Variants in SUPT6H observed in about 807,000 individuals in gnomAD.
SUPT6H encodes the protein transcription elongation factor SPT6.
A neutral mutation model predicts 222.3 loss-of-function variants in SUPT6H; 11 were observed. That is an observed-to-expected ratio of 0.05 (90% confidence interval 0.03 to 0.08). The LOEUF is 0.08. SUPT6H is among the 10% of genes least tolerant of loss of function. SUPT6H has a pLI of 1.00. For synonymous variants in SUPT6H, 762 were observed against 801.2 expected, an observed-to-expected ratio of 0.95 and a Z score of 0.83; for missense variants, 1,422 against 2,216.0, an observed-to-expected ratio of 0.64 and a Z score of 7.19.
At chr17:28,698,272 C>T (rs1317370290) in intron 32 of SUPT6H, among the ~76,000 whole-genome samples, 6 of 152,210 alleles carry the variant, frequency 3.9e-5, no homozygotes, top group Admixed American at 3.9e-4. Flanking sequence ...CCCTTCACCT[C>T]CTCTCCCTCC....
At chr17:28,669,248 G>T (rs2030269981) in intron 1 of SUPT6H, among the ~76,000 whole-genome samples, 1 of 152,164 alleles carries the variant, frequency 6.6e-6, no homozygotes, top group Non-Finnish European at 1.5e-5. Context: ...TGTCGGTGCA[G>T]TAGCACCATC....
rs1459163255 is a variant in SUPT6H, at chr17:28,688,390, G to A, written c.3134+172G>A. The A allele has an allele frequency of 1.2e-5, 8 of 679,494 alleles. No homozygotes were observed. Among genetic ancestry groups the A allele is most frequent in the South Asian group, 8.6e-5 (2 of 23,246 alleles). 42.1% of individuals were successfully genotyped at this position (679,494 alleles called of 1,614,324 possible). On this transcript the variant is annotated intron_variant, in intron 24 of 36. Coordinates refer to ENST00000314616, the MANE Select transcript of SUPT6H (RefSeq NM_003170.5). The surrounding 1 kb of genome is among the most constrained non-coding windows in gnomAD (Gnocchi z 4.3). ...GAGCCCCTGACCTATGGAAAAGATC[G>A]GTTCAATCATGTGAAACATTTTTCG...
intron 11 of SUPT6H, among the ~76,000 whole-genome samples, chr17:28,679,378 A>T (rs1167860977): frequency 6.6e-6 from 1 of 152,154 alleles, no homozygotes; most frequent in Non-Finnish European, 1.5e-5. Context: ...GTCTCAAAAA[A>T]AAAAAAGAAT....
At chr17:28,694,599 AAGG>A (rs1224418867) in intron 28 of SUPT6H, among the ~76,000 whole-genome samples, 1 of 152,216 alleles carries the variant, frequency 6.6e-6, no homozygotes, top group Non-Finnish European at 1.5e-5. Flanking sequence ...GATTTTTCAC[AAGG>A]AGAAGAGTGA....
chr17:28,693,630 C>T (rs1027098618), intron 27 of SUPT6H, 66 bp from the exon 28 acceptor site: 8 of 1,588,398 alleles, frequency 5.0e-6, no homozygotes, highest in African/African-American at 4.0e-5. Flanking sequence ...CCTCTGGGAG[C>T]TCTTTTCTGA....
At chr17:28,667,536 T>TTA (rs767618299) in intron 1 of SUPT6H, among the ~76,000 whole-genome samples, 29 of 147,274 alleles carry the variant, frequency 2.0e-4, no homozygotes, top group East Asian at 7.9e-4. Context: ...TGTGTGTGTT[T>TTA]TATATATATA....
intron 6 of SUPT6H, 52 bp downstream of exon 6, chr17:28,675,537 C>T (rs1267580593): frequency 6.3e-7 from 1 of 1,595,310 alleles, no homozygotes; most frequent in Non-Finnish European, 8.6e-7. Context: ...TGGGCCCAGT[C>T]AGGAAGGAGG....
At chr17:28,666,291 T>C (rs2030004392) in intron 1 of SUPT6H, among the ~76,000 whole-genome samples, 1 of 152,208 alleles carries the variant, frequency 6.6e-6, no homozygotes, top group African/African-American at 2.4e-5. Flanking sequence ...GTGAGCCAAA[T>C]AAGGTCACCC....
intron 16 of SUPT6H, 52 bp downstream of exon 16, chr17:28,683,474 C>T: frequency 6.2e-7 from 1 of 1,606,224 alleles, no homozygotes; most frequent in Non-Finnish European, 8.5e-7. Flanking sequence ...GATGAGGAGT[C>T]TGGTGGAGGG....
At chr17:28,680,871 T>G (rs1344279440) in intron 11 of SUPT6H, among the ~76,000 whole-genome samples, 1 of 152,094 alleles carries the variant, frequency 6.6e-6, no homozygotes, top group African/African-American at 2.4e-5. Flanking sequence ...ATGGTCTCTA[T>G]CTCCTGACGT....
intron 28 of SUPT6H, 46 bp from the exon 29 acceptor site, chr17:28,695,306 C>G: frequency 6.3e-7 from 1 of 1,579,076 alleles, no homozygotes; most frequent in Admixed American, 1.8e-5. Flanking sequence ...GGGCATCGGG[C>G]TAGATCATCT....
intron 1 of SUPT6H, among the ~76,000 whole-genome samples, chr17:28,673,019 C>T (rs185389163): frequency 4.0e-5 from 6 of 151,794 alleles, no homozygotes; most frequent in Non-Finnish European, 8.8e-5. Flanking sequence ...GGCATGGTGG[C>T]GCATGCCTAT....
Position 28,701,910 on chromosome 17 carries a change from T to C in SUPT6H, c.*285T>C, listed in dbSNP as rs890489686. Reference sequence around the variant, plus strand: ...GGAGGAAGAGGAAGGTGAGAATGAGTAGAACAGTTTTGTATTCTACTCCCT... The same window carrying C: ...GGAGGAAGAGGAAGGTGAGAATGAGCAGAACAGTTTTGTATTCTACTCCCT... On this transcript the variant is annotated 3_prime_UTR_variant, in exon 37 of 37. Transcript: ENST00000314616. 2 of 443,796 alleles carry C rather than the reference T, an allele frequency of 4.5e-6. No individual in the cohort carries two copies. The highest frequency in any genetic ancestry group is 3.9e-5 in the African/African-American group (2 of 51,310). 27.5% of individuals were successfully genotyped at this position (443,796 alleles called of 1,614,324 possible). A position where few individuals can be genotyped will look rare whatever the true frequency, so the allele number is the denominator to read the frequency against.
intron 1 of SUPT6H, among the ~76,000 whole-genome samples, chr17:28,673,089 T>G (rs1417072230): frequency 3.3e-5 from 5 of 149,772 alleles, no homozygotes; most frequent in African/African-American, 1.2e-4. Context: ...AGGTGGAGGT[T>G]GCAGTGAACG....
chr17:28,692,603 C>T (rs1321567426), intron 27 of SUPT6H, among the ~76,000 whole-genome samples: 5 of 148,110 alleles, frequency 3.4e-5, no homozygotes, highest in Admixed American at 6.7e-5. Flanking sequence ...CACAGTCACA[C>T]CAGTAATCCC....
rs1338603459 is a variant in SUPT6H, at chr17:28,690,950, A to G, written c.3520A>G (p.Ile1174Val). 3.1e-6 allele frequency: 5 copies of G among 1,613,782 alleles called. No individual in the cohort carries two copies. The African/African-American group carries it at 4.0e-5, about 13-fold the overall frequency. The change falls in exon 27 of 37, where the codon ATT (isoleucine) becomes GTT (valine). Residue 1174 changes from isoleucine (I) to valine (V), a missense_variant. Physicochemically the swap from Ile to Val is conservative, Grantham distance 29 (BLOSUM62 3). This residue lies in a region of SUPT6H where 60 missense variants were observed against 96.7 expected (regional missense o/e 0.62). Coordinates refer to ENST00000314616, the MANE Select transcript of SUPT6H (RefSeq NM_003170.5). ...GCTCATCATCTGCAATGTCACTGGC[A>G]TTGCCCACAGGCGTCCCCAGGGTGA... The part of the protein sequence containing the change: ...GKLIICNVTG[I>V]AHRRPQGESY...
chr17:28,678,903 C>G lies in SUPT6H; in HGVS notation c.1289C>G (p.Ala430Gly). 1.9e-6 allele frequency: 3 copies of G among 1,614,226 alleles called. No homozygotes were observed. Among genetic ancestry groups the G allele is most frequent in the Non-Finnish European group, 2.5e-6 (3 of 1,180,040 alleles). ...MQAYQYEQISADPDKPLADGI... is the reference protein window; with the variant it reads ...MQAYQYEQISGDPDKPLADGI... The stretch of plus-strand genomic sequence containing the variant: ...GCTTATCAGTATGAACAGATCTCTG[C>G]TGACCCTGACAAACCTCTTGCTGAT... The change falls in exon 11 of 37, where the codon GCT (alanine) becomes GGT (glycine). Residue 430 changes from alanine (A) to glycine (G), a missense_variant. Coordinates refer to ENST00000314616, the MANE Select transcript of SUPT6H (RefSeq NM_003170.5).
At position 28,675,436 on chromosome 17, in the gene SUPT6H, C is replaced by T; in HGVS notation, c.574C>T (p.Pro192Ser). Reference sequence around the variant, plus strand: ...CTTCATTGTGGATGATGATGGACAGCCTCTGAAAAAACCTAAGTGGCGGAA... The same window carrying T: ...CTTCATTGTGGATGATGATGGACAGTCTCTGAAAAAACCTAAGTGGCGGAA... ...DDFIVDDDGQPLKKPKWRKKL... is the reference protein window; with the variant it reads ...DDFIVDDDGQSLKKPKWRKKL... The change falls in exon 6 of 37, where the codon CCT becomes TCT. Residue 192 changes from proline to serine, a missense_variant. By Grantham distance (74) the Pro-to-Ser change is moderately conservative. Around this residue, in one of 13 missense-constraint regions of SUPT6H, gnomAD observed 389 missense variants for 544.6 expected, o/e 0.71. Transcript: ENST00000314616. 1 of 1,614,136 alleles carries T rather than the reference C, an allele frequency of 6.2e-7. No individual in the cohort carries two copies. Among genetic ancestry groups the T allele is most frequent in the East Asian group, 2.2e-5 (1 of 44,876 alleles).
rs753504248 is a variant in SUPT6H at position 28,697,962 on chromosome 17, T to C, written c.4380T>C (p.Tyr1460=). The change falls in exon 32 of 37, where the codon TAT becomes TAC. Residue 1460 remains tyrosine, a synonymous_variant. Coordinates refer to ENST00000314616, the MANE Select transcript of SUPT6H (RefSeq NM_003170.5). ...AGGAGAAGCCCACCTTCATCCCTTA[T>C]TTCATCTGTGCCTGCAAGGAACTGC... The part of the protein sequence containing the change: ...TKKEKPTFIP[Y]FICACKELPG... 2 of 1,614,018 alleles carry C rather than the reference T, an allele frequency of 1.2e-6. No individual in the cohort carries two copies. The highest frequency in any genetic ancestry group is 1.3e-5 in the African/African-American group (1 of 75,030).
Sources: gnomAD v4.1 joint callset for allele counts (sites outside exome capture counted in the v4.1 genomes callset) on GRCh38, gnomAD v4.1.1 for gene constraint, gnomAD v4.1.1 regional missense constraint, Gnocchi (gnomAD v3.1) non-coding constraint, MANE v1.5 for transcripts, NCBI Gene and HGNC (gene_info 2026-07-23, HGNC 2026-07-21) for gene names.